Variants in RBP2 observed in about 807,000 individuals in gnomAD.
The protein encoded by RBP2 is retinol-binding protein 2.
Under a neutral mutation model 17.0 loss-of-function variants are expected in RBP2, and 17 were observed. That is an observed-to-expected ratio of 1.00 (90% CI 0.68 to 1.50). The LOEUF is 1.50. RBP2 is among the 40% of genes most tolerant of loss of function. RBP2 has a pLI of 0.00. For synonymous variants in RBP2, 48 were observed against 57.1 expected (o/e 0.84, Z 0.72); for missense variants, 158 against 168.2 (o/e 0.94, Z 0.33).
chr3:139,463,251 A>G (rs756483460), intron 1 of RBP2, among the ~76,000 whole-genome samples: 14 of 151,844 alleles, frequency 9.2e-5, no homozygotes, highest in Non-Finnish European at 1.5e-4. Context: ...CAGTGGTGCA[A>G]TCTTGGCCCA....
chr3:139,470,360 C>T (rs1933522029), intron 1 of RBP2, among the ~76,000 whole-genome samples: 1 of 152,038 alleles, frequency 6.6e-6, no homozygotes. Context: ...CTGAATCTGT[C>T]CTCTTTTCTC....
At chr3:139,467,081 C>G (rs1002097106) in intron 1 of RBP2, among the ~76,000 whole-genome samples, 1 of 152,194 alleles carries the variant, frequency 6.6e-6, no homozygotes, top group Non-Finnish European at 1.5e-5. Flanking sequence ...ACAATGACAT[C>G]TTCTTGCTCT....
chr3:139,456,642 GA>G (rs539427503), intron 2 of RBP2, among the ~76,000 whole-genome samples: 6 of 152,212 alleles, frequency 3.9e-5, no homozygotes, highest in Non-Finnish European at 8.8e-5. Flanking sequence ...TTCCTGCAAG[GA>G]AGTAAAAGAA....
chr3:139,459,400 A>ATGTGTGTGTGTGTGTGTGTGTGTGTG (rs57107462), intron 2 of RBP2, among the ~76,000 whole-genome samples: 1 of 128,552 alleles, frequency 7.8e-6, no homozygotes, highest in African/African-American at 2.9e-5. Context: ...TACTATATAT[A>ATGTGTGTGTGTGTGTGTGTGTGTGTG]TGTGTGTGTG....
At position 139,453,238 on chromosome 3, in the gene RBP2, G is replaced by A. The variant is rs1353083588; in HGVS notation, c.355-72C>T. On this transcript the variant is annotated intron_variant, in intron 3 of 3. Coordinates refer to ENST00000232217, the MANE Select transcript of RBP2 (RefSeq NM_004164.3). ...TTCTGCCCAGCCCTCAGCCCCCTTG[G>A]TATCTGGGGGTGGGAGGTTGGAATA... 3.9e-6 allele frequency: 6 copies of A among 1,537,676 alleles called. No individual in the cohort carries two copies. In the East Asian group the frequency reaches 1.1e-4, roughly 29 times the overall value.
chr3:139,474,586 T>G (rs1390579829), intron 1 of RBP2, among the ~76,000 whole-genome samples: 1 of 152,206 alleles, frequency 6.6e-6, no homozygotes, highest in East Asian at 1.9e-4. Flanking sequence ...TAACCCTTGT[T>G]AAAGTACTTT....
At chr3:139,467,313 G>T (rs1002531602) in intron 1 of RBP2, among the ~76,000 whole-genome samples, 1 of 152,142 alleles carries the variant, frequency 6.6e-6, no homozygotes. Context: ...GCAAGACCCT[G>T]TTTCTAAATA....
Position 139,454,802 on chromosome 3 carries a change from A to C in RBP2, c.281T>G (p.Leu94Arg). The change falls in exon 3 of 4, where the codon CTT (leucine) becomes CGT (arginine). Residue 94 changes from leucine (L) to arginine (R), a missense_variant. By Grantham distance (102) the Leu-to-Arg change is moderately radical. Coordinates refer to ENST00000232217, the MANE Select transcript of RBP2 (RefSeq NM_004164.3). The stretch of plus-strand genomic sequence containing the variant: ...CTTCTCCCCCTTTTGCACACACACA[A>C]GGACATCACCTTCCCAGGTGACCAG... Reference protein sequence around the residue: ...KALVTWEGDVLVCVQKGEKEN... With the variant: ...KALVTWEGDVRVCVQKGEKEN... 1.2e-6 allele frequency: 2 copies of C among 1,614,186 alleles called. No individual in the cohort carries two copies. The highest frequency in any genetic ancestry group is 1.7e-6 in the Non-Finnish European group (2 of 1,180,016).
At chr3:139,466,007 A>T (rs1933347701) in intron 1 of RBP2, among the ~76,000 whole-genome samples, 2 of 152,182 alleles carry the variant, frequency 1.3e-5, no homozygotes, top group African/African-American at 2.4e-5. Flanking sequence ...CCACTTCCCC[A>T]CTGTATTTGC....
At chr3:139,458,013 G>A (rs900610947) in intron 2 of RBP2, among the ~76,000 whole-genome samples, 2 of 152,126 alleles carry the variant, frequency 1.3e-5, no homozygotes, top group African/African-American at 4.8e-5. Flanking sequence ...AAATACATAC[G>A]GAAGTATTTA....
intron 2 of RBP2, among the ~76,000 whole-genome samples, chr3:139,459,151 G>A (rs182575574): frequency 1.5e-4 from 23 of 152,142 alleles, no homozygotes; most frequent in Admixed American, 1.4e-3. Context: ...TGGAGCCCTG[G>A]AAAACAATAG....
rs1933074743 is a variant in RBP2, at chr3:139,458,790, T to TCATCCTG, written c.252+3321_252+3322insCAGGATG. Among the ~76,000 whole-genome samples, 3 of 152,220 alleles carry TCATCCTG rather than the reference T, an allele frequency of 2.0e-5. No individual in the cohort carries two copies. In the South Asian group the frequency reaches 6.2e-4, roughly 32 times the overall value. ...GTAGCATGAGTCTGTCCTTCATCCT[T>TCATCCTG]TTTCATGGCTGCATATACTCCACAT... On this transcript the variant is annotated intron_variant, in intron 2 of 3. Transcript: ENST00000232217.
At chr3:139,460,556 C>T (rs1933151549) in intron 2 of RBP2, among the ~76,000 whole-genome samples, 1 of 152,186 alleles carries the variant, frequency 6.6e-6, no homozygotes, top group African/African-American at 2.4e-5. Flanking sequence ...CTCCCCACCC[C>T]AGGAGAGGAG....
intron 2 of RBP2, among the ~76,000 whole-genome samples, chr3:139,455,260 A>G (rs1043127953): frequency 4.6e-5 from 7 of 152,348 alleles, no homozygotes; most frequent in South Asian, 2.1e-4. Flanking sequence ...CTGTAAATCA[A>G]TAAGAAAAAT....
chr3:139,460,471 C>T (rs569057099), intron 2 of RBP2, among the ~76,000 whole-genome samples: 1 of 152,188 alleles, frequency 6.6e-6, no homozygotes, highest in Non-Finnish European at 1.5e-5. Context: ...TGCTACAGGA[C>T]AACTTGACTG....
At chr3:139,456,595 G>A (rs1266075917) in intron 2 of RBP2, among the ~76,000 whole-genome samples, 1 of 152,178 alleles carries the variant, frequency 6.6e-6, no homozygotes, top group Admixed American at 6.5e-5. Flanking sequence ...AAAGCAGACG[G>A]GGGTGGGTAT....
At chr3:139,464,379 A>G (rs930258140) in intron 1 of RBP2, among the ~76,000 whole-genome samples, 3 of 151,782 alleles carry the variant, frequency 2.0e-5, no homozygotes, top group African/African-American at 7.3e-5. Flanking sequence ...AATCACTTGA[A>G]CCCGGGAGGC....
At chr3:139,476,001 G>T (rs990161620) in intron 1 of RBP2, among the ~76,000 whole-genome samples, 2 of 152,194 alleles carry the variant, frequency 1.3e-5, no homozygotes, top group African/African-American at 4.8e-5. Flanking sequence ...CAATGCAGAG[G>T]TCATTGGTGG....
intron 1 of RBP2, 49 bp from the exon 2 acceptor site, chr3:139,462,339 A>G (rs553110205): frequency 1.3e-6 from 2 of 1,578,264 alleles, no homozygotes; most frequent in South Asian, 2.2e-5. Context: ...AGCCAGACTC[A>G]TTCATTTCGT....
Sources: allele counts gnomAD v4.1 joint callset (sites outside exome capture counted in the v4.1 genomes callset), GRCh38; gene constraint gnomAD v4.1.1; transcripts MANE v1.5; gene names NCBI Gene and HGNC (gene_info 2026-07-23, HGNC 2026-07-21).